The following CREB3L3 variants were observed in gnomAD, a reference collection of about 807,000 sequenced individuals.
CREB3L3 encodes cyclic AMP-responsive element-binding protein 3-like protein 3.
A neutral mutation model predicts 44.6 loss-of-function variants in CREB3L3; 40 were observed. That is an observed-to-expected ratio of 0.90 (90% CI 0.70 to 1.17). The LOEUF is 1.17. Among genes scored for constraint, CREB3L3 ranks in the 50% most tolerant of loss-of-function variants. CREB3L3 has a pLI of 0.00. For missense variants in CREB3L3, 578 were observed against 595.8 expected, an observed-to-expected ratio of 0.97 and a Z score of 0.31; for synonymous variants, 273 against 256.3, an observed-to-expected ratio of 1.06 and a Z score of -0.62.
intron 2 of CREB3L3, among the ~76,000 whole-genome samples, chr19:4,156,125 CT>C (rs1568277822): frequency 1.4e-4 from 19 of 132,426 alleles, no homozygotes; most frequent in African/African-American, 2.8e-4. Context: ...CTCTCCCCCC[CT>C]CTCTCTCTGT....
In CREB3L3 at chr19:4,172,137, C is replaced by A; in HGVS notation, c.*168C>A. 1 of 732,680 alleles carries A rather than the reference C, an allele frequency of 1.4e-6. No individual in the cohort carries two copies. Among genetic ancestry groups the A allele is most frequent in the Non-Finnish European group, 2.2e-6 (1 of 458,792 alleles). 45.4% of individuals were successfully genotyped at this position (732,680 alleles called of 1,614,324 possible). A position where few individuals can be genotyped will look rare whatever the true frequency, so the allele number is the denominator to read the frequency against. Reference sequence around the variant, plus strand: ...CACACACCCAGGGCCTGACTGAGGCCCACGCAGGAACCGACACTCAGACAC... The same window carrying A: ...CACACACCCAGGGCCTGACTGAGGCACACGCAGGAACCGACACTCAGACAC... On this transcript the variant is annotated 3_prime_UTR_variant, in exon 10 of 10. Coordinates refer to ENST00000078445, the MANE Select transcript of CREB3L3 (RefSeq NM_032607.3).
Position 4,171,865 on chromosome 19 carries a change from G to A in CREB3L3, c.1282G>A (p.Ala428Thr), listed in dbSNP as rs899994271. ...CAACGCCACCCTGGTCCTGAGGAAT[G>A]CAACAGAGGGGCTGGGCCAGGTCGC... ...LDNATLVLRN[A>T]TEGLGQVALL... Residue 428 changes from alanine to threonine, a missense_variant, in exon 10 of 10, where the codon GCA becomes ACA. By Grantham distance (58) the Ala-to-Thr change is moderately conservative (BLOSUM62 0). Coordinates refer to ENST00000078445, the MANE Select transcript of CREB3L3 (RefSeq NM_032607.3). The surrounding 1 kb of genome is among the most constrained non-coding windows in gnomAD (Gnocchi z 4.9). 1.1e-5 allele frequency: 18 copies of A among 1,613,378 alleles called. No individual in the cohort carries two copies. In the African/African-American group the frequency reaches 2.0e-4, roughly 18 times the overall value.
Position 4,170,984 on chromosome 19 carries a change from G to A in CREB3L3, c.891-107G>A, listed in dbSNP as rs1967032460. On this transcript the variant is annotated intron_variant, in intron 7 of 9. Coordinates refer to ENST00000078445, the MANE Select transcript of CREB3L3 (RefSeq NM_032607.3). Reference sequence around the variant, plus strand: ...TAATAAAGAGCCAGAGGCCCTTGAAGAATGGATGGAATTTGGACTTTAGCG... The same window carrying A: ...TAATAAAGAGCCAGAGGCCCTTGAAAAATGGATGGAATTTGGACTTTAGCG... 4 of 780,752 alleles carry A rather than the reference G, an allele frequency of 5.1e-6. No individual in the cohort carries two copies. The East Asian group carries it at 9.8e-5, about 19-fold the overall frequency. The allele number at this position is 780,752 out of a possible 1,614,324, so 48.4% of individuals were successfully genotyped here. A position where few individuals can be genotyped will look rare whatever the true frequency, so the allele number is the denominator to read the frequency against.
chr19:4,160,973 G>A lies in CREB3L3; in HGVS notation c.576+1191G>A, dbSNP rs1192516886. 1.6e-4 allele frequency among the ~76,000 whole-genome samples: 23 copies of A among 146,322 alleles called. 8 individuals carry two copies. Among genetic ancestry groups the A allele is most frequent in the Admixed American group, 5.6e-4 (8 of 14,318 alleles). ...GTCACCTAGGCTGGAGTGCAGTGGCGTGATCTCGGCTCACTGCAAGCTCCG... is the reference window on the plus strand; with the variant it reads ...GTCACCTAGGCTGGAGTGCAGTGGCATGATCTCGGCTCACTGCAAGCTCCG... On this transcript the variant is annotated intron_variant, in intron 4 of 9. Coordinates refer to ENST00000078445, the MANE Select transcript of CREB3L3 (RefSeq NM_032607.3).
chr19:4,158,334 C>T (rs2041613247), intron 3 of CREB3L3, among the ~76,000 whole-genome samples: 1 of 151,262 alleles, frequency 6.6e-6, no homozygotes. Context: ...CCCATCTCTA[C>T]TAAAAATACA....
At chr19:4,155,149 A>G in intron 2 of CREB3L3, 122 bp downstream of exon 2, 2 of 1,241,686 alleles carry the variant, frequency 1.6e-6, no homozygotes. Context: ...ACGATGCACT[A>G]ATGGGTCACG....
intron 4 of CREB3L3, among the ~76,000 whole-genome samples, chr19:4,161,443 G>C (rs1331458604): frequency 1.3e-5 from 2 of 152,044 alleles, no homozygotes; most frequent in African/African-American, 4.8e-5. Context: ...TTTTACATAG[G>C]AGAAAAAGGG....
chr19:4,171,185 G>A lies in CREB3L3; in HGVS notation c.975+10G>A. Reference sequence around the variant, plus strand: ...AGGCACCTGTGTCGCAGTGAGTCCTGGTGCCCCCAGGCAAGCCGGGGACCT... The same window carrying A: ...AGGCACCTGTGTCGCAGTGAGTCCTAGTGCCCCCAGGCAAGCCGGGGACCT... On this transcript the variant is annotated intron_variant, in intron 8 of 9. Coordinates refer to ENST00000078445, the MANE Select transcript of CREB3L3 (RefSeq NM_032607.3). The surrounding 1 kb of genome is among the most constrained non-coding windows in gnomAD (Gnocchi z 4.9). 6.2e-7 allele frequency: 1 copy of A among 1,612,714 alleles called. No individual in the cohort carries two copies. Among genetic ancestry groups the A allele is most frequent in the Non-Finnish European group, 8.5e-7 (1 of 1,178,752 alleles).
At chr19:4,170,700 G>A (rs1967024518) in intron 7 of CREB3L3, among the ~76,000 whole-genome samples, 1 of 151,812 alleles carries the variant, frequency 6.6e-6, no homozygotes, top group East Asian at 1.9e-4. Context: ...ACAAGGTCGG[G>A]AGATCAAGAC....
rs1053265411 is a variant in CREB3L3, at chr19:4,167,436, GGAAA to G, written c.715-905_715-902del. 9.0e-4 allele frequency among the ~76,000 whole-genome samples: 71 copies of G among 78,802 alleles called. No individual in the cohort carries two copies. The East Asian group carries it at 0.012, about 14-fold the overall frequency. 51.7% of individuals were successfully genotyped at this position (78,802 alleles called of 152,430 possible). On this transcript the variant is annotated intron_variant, in intron 5 of 9. Coordinates refer to ENST00000078445, the MANE Select transcript of CREB3L3 (RefSeq NM_032607.3). The stretch of plus-strand genomic sequence containing the variant: ...AAAAGAAAGAAAAGAAAGAAAGAAA[GGAAA>G]GAAAGAAAGGAAGAAAAGAAGGAAA...
At position 4,155,011 on chromosome 19, in the gene CREB3L3, G is replaced by T. The variant is rs367873282; in HGVS notation, c.140G>T (p.Gly47Val). Residue 47 changes from glycine to valine, a missense_variant, in exon 2 of 10, where the codon GGT becomes GTT. Physicochemically the swap from Gly to Val is moderately radical, Grantham distance 109. Transcript: ENST00000078445. ...LRHVELGEGW[G>V]HVKDQQVLPN... ...CACGTGGAGCTGGGCGAGGGCTGGGGTCACGTCAAGGACCAGGTGAGGAGT... is the reference window on the plus strand; with the variant it reads ...CACGTGGAGCTGGGCGAGGGCTGGGTTCACGTCAAGGACCAGGTGAGGAGT... The T allele has an allele frequency of 3.7e-6, 6 of 1,608,970 alleles. No individual in the cohort carries two copies. Among genetic ancestry groups the T allele is most frequent in the Non-Finnish European group, 5.1e-6 (6 of 1,180,004 alleles).
Position 4,171,747 on chromosome 19 carries a change from T to G in CREB3L3, c.1164T>G (p.Ala388=). 1 of 1,613,296 alleles carries G rather than the reference T, an allele frequency of 6.2e-7. No homozygotes were observed. Among genetic ancestry groups the G allele is most frequent in the Non-Finnish European group, 8.5e-7 (1 of 1,180,002 alleles). Residue 388 remains alanine (A), a synonymous_variant, in exon 10 of 10, where the codon GCT becomes GCG. Transcript: ENST00000078445. This position sits in a 1 kb window ranked among gnomAD's most constrained non-coding sequence, Gnocchi z 4.9. ...AGGCCCCAGGACCCCGACCCGAGGC[T>G]GACACAACCCGAGAAGAGTCTCCAG... ...GSEAPGPRPE[A]DTTREESPGS... is the part of the protein sequence containing the mutation.
At position 4,171,523 on chromosome 19, in the gene CREB3L3, G is replaced by T. The variant is rs541971876; in HGVS notation, c.1072+44G>T. The T allele has an allele frequency of 2.5e-6, 4 of 1,608,130 alleles. No individual in the cohort carries two copies. In the African/African-American group the frequency reaches 5.3e-5, roughly 21 times the overall value. The stretch of plus-strand genomic sequence containing the variant: ...TGAAACCCTTGTCTGGTCTCCCCAA[G>T]TCCCCGTCCTGGGCCTCTGGGGGAG... On this transcript the variant is annotated intron_variant, in intron 9 of 9. Transcript: ENST00000078445. The surrounding 1 kb of genome is among the most constrained non-coding windows in gnomAD (Gnocchi z 4.9).
chr19:4,169,014 C>T (rs1024763260), intron 6 of CREB3L3, among the ~76,000 whole-genome samples: 1 of 151,798 alleles, frequency 6.6e-6, no homozygotes, highest in Admixed American at 6.6e-5. Context: ...GGATTACAGG[C>T]GTGAGCCACT....
intron 4 of CREB3L3, 21 bp from the exon 5 acceptor site, chr19:4,164,482 T>C: frequency 6.2e-7 from 1 of 1,613,678 alleles, no homozygotes; most frequent in Non-Finnish European, 8.5e-7. Flanking sequence ...CCCGCCGTCA[T>C]TCCTCTGATT....
In CREB3L3 at chr19:4,157,471, G is replaced by A. The variant is rs16992280; in HGVS notation, c.457+176G>A. 8.9e-3 allele frequency among the ~76,000 whole-genome samples: 1,354 copies of A among 152,272 alleles called. 19 individuals carry two copies. Among genetic ancestry groups the A allele is most frequent in the African/African-American group, 0.03 (1,258 of 41,548 alleles). ...GTCTCCCTTGGCTAGGTGTTTCCAT[G>A]CTTTCACGTGGATGCTATTGGGAGC... On this transcript the variant is annotated intron_variant, in intron 3 of 9. Coordinates refer to ENST00000078445, the MANE Select transcript of CREB3L3 (RefSeq NM_032607.3).
intron 3 of CREB3L3, 54 bp downstream of exon 3, chr19:4,157,349 C>T: frequency 6.3e-7 from 1 of 1,591,894 alleles, no homozygotes; most frequent in Non-Finnish European, 8.6e-7. Context: ...AGGGCCCTTC[C>T]TGTAAGTGAG....
intron 4 of CREB3L3, 77 bp from the exon 5 acceptor site, chr19:4,164,426 G>A (rs1477741295): frequency 3.2e-6 from 5 of 1,584,870 alleles, no homozygotes; most frequent in South Asian, 1.1e-5. Context: ...TAGTGTTTTC[G>A]ATCTGATACC....
chr19:4,165,892 CA>C (rs1374210489), intron 5 of CREB3L3, among the ~76,000 whole-genome samples: 4 of 151,804 alleles, frequency 2.6e-5, no homozygotes, highest in Admixed American at 6.6e-5. Context: ...AAAACAAAAA[CA>C]AAAAAACTAA....
Sources: gnomAD v4.1 joint callset for allele counts (sites outside exome capture counted in the v4.1 genomes callset) on GRCh38, gnomAD v4.1.1 for gene constraint, Gnocchi (gnomAD v3.1) non-coding constraint, MANE v1.5 for transcripts, NCBI Gene and HGNC (gene_info 2026-07-23, HGNC 2026-07-21) for gene names.